Variants in PTBP3 observed in about 807,000 individuals in gnomAD.
PTBP3 encodes the protein polypyrimidine tract binding protein 3.
In PTBP3, 20 loss-of-function variants were observed where a neutral mutation model predicts 58.7. That is an observed-to-expected ratio of 0.34 (90% CI 0.24 to 0.50). The LOEUF is 0.50. Among genes scored for constraint, PTBP3 ranks in the 20% least tolerant of loss-of-function variants. The pLI, the probability that PTBP3 is intolerant of heterozygous loss-of-function variation, is 0.98. For synonymous variants in PTBP3, 185 were observed against 219.8 expected, an observed-to-expected ratio of 0.84 and a Z score of 1.40; for missense variants, 509 against 637.2, an observed-to-expected ratio of 0.80 and a Z score of 2.17.
chr9:112,333,327 C>G (rs1830460241), intron 1 of PTBP3, 143 bp downstream of exon 1: 1 of 1,061,402 alleles, frequency 9.4e-7, no homozygotes, highest in Non-Finnish European at 1.2e-6. Flanking sequence ...CGCCCGGAAG[C>G]CCCGCCGTCG....
At chr9:112,280,767 A>ATGTGTG (rs3032061) in intron 2 of PTBP3, among the ~76,000 whole-genome samples, 1 of 150,774 alleles carries the variant, frequency 6.6e-6, no homozygotes, top group Non-Finnish European at 1.5e-5. Context: ...CTGTGTGTGT[A>ATGTGTG]TGTGTGTGTG....
At position 112,220,808 on chromosome 9, in the gene PTBP3, T is replaced by A; in HGVS notation, c.*3043A>T. ...TGTGTACTGCTATTTTTTAAAGTCC[T>A]GAATATATATACTTTGTGTAGAAGT... On this transcript the variant is annotated 3_prime_UTR_variant, in exon 14 of 14. Transcript: ENST00000374257. 1.0e-6 allele frequency: 1 copy of A among 977,068 alleles called. No homozygotes were observed. The allele number at this position is 977,068 out of a possible 1,614,324, so 60.5% of individuals were successfully genotyped here. A position where few individuals can be genotyped will look rare whatever the true frequency, so the allele number is the denominator to read the frequency against.
chr9:112,295,446 C>A (rs1328338329), intron 2 of PTBP3, among the ~76,000 whole-genome samples: 2 of 149,856 alleles, frequency 1.3e-5, no homozygotes, highest in African/African-American at 4.9e-5. Flanking sequence ...AAACAGTGTA[C>A]CCATGTAGAG....
intron 12 of PTBP3, among the ~76,000 whole-genome samples, chr9:112,226,304 G>A (rs956644918): frequency 1.3e-5 from 2 of 151,808 alleles, no homozygotes; most frequent in South Asian, 4.2e-4. Flanking sequence ...CAGGGAGGCC[G>A]GATATTCAGC....
In PTBP3 at chr9:112,316,344, C is replaced by G. The variant is rs115680189; in HGVS notation, c.-52+17126G>C. 8.6e-3 allele frequency among the ~76,000 whole-genome samples: 1,314 copies of G among 152,296 alleles called. 23 individuals carry two copies. The highest frequency in any genetic ancestry group is 0.03 in the African/African-American group (1,252 of 41,560). On this transcript the variant is annotated intron_variant, in intron 1 of 13. Transcript: ENST00000374257. ...CTTTTACCTCATACTCTCTCACTCT[C>G]TTTTTACATATTTATAAGAAGCAAG...
chr9:112,351,216 C>T, the PTBP3 span, among the ~76,000 whole-genome samples: 1 of 152,190 alleles, frequency 6.6e-6, no homozygotes, highest in South Asian at 2.1e-4. Context: ...ATCATGTCCT[C>T]TTGGCTGTGA....
intron 2 of PTBP3, among the ~76,000 whole-genome samples, chr9:112,295,449 A>C (rs1014780021): frequency 6.6e-6 from 1 of 151,288 alleles, no homozygotes. Flanking sequence ...CAGTGTACCC[A>C]TGTAGAGATG....
intron 1 of PTBP3, among the ~76,000 whole-genome samples, chr9:112,307,954 T>C (rs1368785513): frequency 6.6e-6 from 1 of 152,220 alleles, no homozygotes; most frequent in Non-Finnish European, 1.5e-5. Flanking sequence ...TTTGGTGTTT[T>C]GTTGTTGTTA....
At chr9:112,290,625 C>T (rs1331611666) in intron 2 of PTBP3, among the ~76,000 whole-genome samples, 1 of 146,670 alleles carries the variant, frequency 6.8e-6, no homozygotes, top group Non-Finnish European at 1.5e-5. Context: ...TGAGCCGAGA[C>T]CACGCCACTG....
the PTBP3 span, among the ~76,000 whole-genome samples, chr9:112,353,818 C>T: frequency 6.6e-6 from 1 of 151,692 alleles, no homozygotes; most frequent in Admixed American, 6.6e-5. Context: ...ATTAGCCAGG[C>T]GTGGTGGCTG....
the PTBP3 span, among the ~76,000 whole-genome samples, chr9:112,367,114 T>C: frequency 6.6e-6 from 1 of 152,220 alleles, no homozygotes; most frequent in Admixed American, 6.5e-5. Flanking sequence ...CACAAGAACT[T>C]TGCATTTTAA....
chr9:112,376,035 G>A, the PTBP3 span, among the ~76,000 whole-genome samples: 1,576 of 151,854 alleles, frequency 0.01, 64 homozygotes, highest in East Asian at 0.081. Context: ...TGGATCTGCT[G>A]GGTCATATGG....
Position 112,224,229 on chromosome 9 carries a change from G to T in PTBP3, c.1365-19C>A, listed in dbSNP as rs762453482. The T allele has an allele frequency of 5.5e-6, 8 of 1,463,258 alleles. No individual in the cohort carries two copies. Among genetic ancestry groups the T allele is most frequent in the Non-Finnish European group, 6.4e-6 (7 of 1,091,224 alleles). The allele number at this position is 1,463,258 out of a possible 1,614,324, so 90.6% of individuals were successfully genotyped here. A position where few individuals can be genotyped will look rare whatever the true frequency, so the allele number is the denominator to read the frequency against. On this transcript the variant is annotated intron_variant, in intron 12 of 13. Coordinates refer to ENST00000374257, the MANE Select transcript of PTBP3 (RefSeq NM_001163788.4). ...AGAAGGGCTGTGAAAACATCAGAGG[G>T]AGTCAACTACCTGGGCCGCATTCTC...
At chr9:112,319,715 ATC>A (rs61479401) in intron 1 of PTBP3, among the ~76,000 whole-genome samples, 73,412 of 151,832 alleles carry the variant, frequency 0.48, 18,058 homozygotes, top group African/African-American at 0.57. Context: ...TTGAAAAGAC[ATC>A]TGCATTCCCA....
At chr9:112,246,945 T>A (rs953084724) in intron 7 of PTBP3, among the ~76,000 whole-genome samples, 6 of 152,142 alleles carry the variant, frequency 3.9e-5, no homozygotes, top group Admixed American at 3.3e-4. Flanking sequence ...CAAAAATGTA[T>A]ACAATGATGA....
intron 2 of PTBP3, chr9:112,281,144 T>C (rs1002564080): frequency 9.0e-5 from 14 of 156,380 alleles, no homozygotes; most frequent in African/African-American, 3.1e-4. Flanking sequence ...CGTTCTCTAA[T>C]GAAAATTATT....
At chr9:112,289,796 T>C (rs1330767883) in intron 2 of PTBP3, among the ~76,000 whole-genome samples, 1 of 152,204 alleles carries the variant, frequency 6.6e-6, no homozygotes, top group Non-Finnish European at 1.5e-5. Flanking sequence ...TGTGTATATA[T>C]ACATATATAT....
At chr9:112,260,806 G>T (rs1056436239) in intron 5 of PTBP3, among the ~76,000 whole-genome samples, 2 of 152,214 alleles carry the variant, frequency 1.3e-5, no homozygotes, top group Admixed American at 1.3e-4. Flanking sequence ...AAAAAAGTGA[G>T]TGCTATAACT....
chr9:112,312,823 C>G (rs571902293), intron 1 of PTBP3, among the ~76,000 whole-genome samples: 13 of 152,168 alleles, frequency 8.5e-5, no homozygotes, highest in Admixed American at 3.3e-4. Context: ...GTGGGCACAT[C>G]ACTTGAGTCC....
Sources: gnomAD v4.1 joint callset for allele counts (sites outside exome capture counted in the v4.1 genomes callset) on GRCh38, gnomAD v4.1.1 for gene constraint, MANE v1.5 for transcripts, NCBI Gene and HGNC (gene_info 2026-07-23, HGNC 2026-07-21) for gene names.